Variants in TTC19 observed in about 807,000 individuals in gnomAD.
TTC19 encodes the protein tetratricopeptide repeat domain 19, also known as tetratricopeptide repeat protein 19, mitochondrial.
Under a neutral mutation model 49.5 loss-of-function variants are expected in TTC19, and 38 were observed. The observed-to-expected ratio is 0.77, with a 90% CI of 0.59 to 1.01. The LOEUF (loss-of-function observed/expected upper bound fraction) is 1.01, where lower values mean the gene tolerates loss of function less well. Among genes scored for constraint, TTC19 ranks in the 50% least tolerant of loss-of-function variants. The pLI is 0.00. For missense variants in TTC19, 475 were observed against 477.7 expected, an observed-to-expected ratio of 0.99 and a Z score of 0.05; for synonymous variants, 204 against 185.2, an observed-to-expected ratio of 1.10 and a Z score of -0.83.
intron 2 of TTC19, chr17:16,044,297 A>G (rs2058283146): frequency 2.3e-6 from 1 of 434,246 alleles, no homozygotes; most frequent in Middle Eastern, 3.5e-4. Flanking sequence ...ATTAAGAGCG[A>G]GGACAAGTTC....
At chr17:16,039,311 A>G (rs1416646553) in intron 2 of TTC19, 1 of 920,230 alleles carries the variant, frequency 1.1e-6, no homozygotes, top group African/African-American at 1.7e-5. Context: ...CGGAAACCCT[A>G]AGAGGTGACT....
chr17:16,011,954 T>G (rs1238644190), intron 7 of TTC19, among the ~76,000 whole-genome samples: 13 of 152,228 alleles, frequency 8.5e-5, no homozygotes, highest in Non-Finnish European at 1.6e-4. Context: ...TTTTATAATC[T>G]TTGTTAGCTT....
At chr17:16,037,879 C>T (rs909867493) in intron 2 of TTC19, among the ~76,000 whole-genome samples, 3 of 152,132 alleles carry the variant, frequency 2.0e-5, no homozygotes, top group African/African-American at 7.2e-5. Context: ...GAGATCAGAG[C>T]CCAGGTCATC....
chr17:16,040,642 G>A (rs2057380778), intron 2 of TTC19: 2 of 790,594 alleles, frequency 2.5e-6, no homozygotes, highest in Non-Finnish European at 4.1e-6. Context: ...AAGATAAAAT[G>A]GAAGTATTTT....
chr17:16,027,358 C>T lies in TTC19; in HGVS notation c.995-16C>T. 5 of 1,613,778 alleles carry T rather than the reference C, an allele frequency of 3.1e-6. No individual in the cohort carries two copies. Among genetic ancestry groups the T allele is most frequent in the South Asian group, 1.1e-5 (1 of 91,056 alleles). On this transcript the variant is annotated splice_polypyrimidine_tract_variant and intron_variant, in intron 9 of 9. Coordinates refer to ENST00000261647, the MANE Select transcript of TTC19 (RefSeq NM_017775.4). ...ACACTTTCTTCTTACTGTCCCTTCT[C>T]TCTGGGTTATTTTAGAACGATATAC...
At chr17:16,029,556 T>G (rs1010668679), downstream of TTC19, 9 of 209,670 alleles carry the variant, frequency 4.3e-5, no homozygotes, top group African/African-American at 7.1e-5. Context: ...AGGAAGACCT[T>G]AATTTAGTTC....
rs774529541 is a variant in TTC19 at position 16,000,162 on chromosome 17, C to G, written c.229C>G (p.Gln77Glu). Reference protein sequence around the residue: ...SRPAAAEEEEQQGADGAAAED... With the variant: ...SRPAAAEEEEEQGADGAAAED... ...GCCCGCTGCGGCAGAGGAGGAGGAG[C>G]AGCAGGGAGCCGACGGGGCCGCTGC... Residue 77 changes from glutamine (Q) to glutamate (E), a missense_variant, in exon 2 of 10, where the codon CAG (glutamine) becomes GAG (glutamate). Gln to Glu is a conservative substitution (Grantham distance 29). Coordinates refer to ENST00000261647, the MANE Select transcript of TTC19 (RefSeq NM_017775.4). 5.5e-5 allele frequency: 87 copies of G among 1,589,060 alleles called. No homozygotes were observed. Among genetic ancestry groups the G allele is most frequent in the Non-Finnish European group, 7.1e-5 (83 of 1,176,440 alleles).
downstream of TTC19, among the ~76,000 whole-genome samples, chr17:16,032,952 G>A (rs963104150): frequency 6.6e-5 from 10 of 152,216 alleles, no homozygotes; most frequent in Non-Finnish European, 4.4e-5. Context: ...AGATTTTAAA[G>A]TCTACAAGAT....
At chr17:16,007,165 A>G (rs543671423) in intron 7 of TTC19, among the ~76,000 whole-genome samples, 1 of 152,306 alleles carries the variant, frequency 6.6e-6, no homozygotes, top group East Asian at 1.9e-4. Flanking sequence ...TTCTGTACCT[A>G]GTGGTCTTCT....
chr17:16,044,729 G>GT (rs1044660047), exon 3 of TTC19: 1 of 746,088 alleles, frequency 1.3e-6, no homozygotes. Context: ...AGCAGCTGGT[G>GT]TAAATGTTGA....
intron 2 of TTC19, chr17:16,034,744 A>C (rs758354100): frequency 2.5e-6 from 4 of 1,581,520 alleles, no homozygotes; most frequent in South Asian, 2.3e-5. Context: ...CTCATTTTCT[A>C]AGTTAAAGCA....
chr17:16,022,984 C>T (rs913068453), intron 7 of TTC19, among the ~76,000 whole-genome samples: 4 of 148,332 alleles, frequency 2.7e-5, no homozygotes, highest in Non-Finnish European at 6.0e-5. Flanking sequence ...TTTTTCTTGT[C>T]TAACTTTTAG....
intron 4 of TTC19, among the ~76,000 whole-genome samples, chr17:16,003,081 G>T (rs1970790572): frequency 6.6e-6 from 1 of 152,134 alleles, no homozygotes; most frequent in Non-Finnish European, 1.5e-5. Context: ...GCCCTCCTCT[G>T]CCTAGGTGAG....
chr17:16,034,698 G>T, intron 2 of TTC19: 1 of 1,375,870 alleles, frequency 7.3e-7, no homozygotes, highest in Non-Finnish European at 1.0e-6. Context: ...GAATTTTGAA[G>T]AACTAATAAC....
chr17:16,039,395 GGAAAAGCAGCA>G, intron 2 of TTC19: 1 of 1,589,116 alleles, frequency 6.3e-7, no homozygotes, highest in Non-Finnish European at 8.6e-7. Context: ...GCTTTTTTGG[GGAAAAGCAGCA>G]GAAAAGCACT....
intron 7 of TTC19, among the ~76,000 whole-genome samples, chr17:16,021,415 C>T (rs1024553260): frequency 2.6e-5 from 4 of 152,064 alleles, no homozygotes; most frequent in African/African-American, 4.8e-5. Context: ...AAAACAAAGT[C>T]ACCGCCTCAT....
At chr17:16,004,351 G>T in intron 6 of TTC19, 89 bp downstream of exon 6, 1 of 1,271,460 alleles carries the variant, frequency 7.9e-7, no homozygotes, top group Non-Finnish European at 1.2e-6. Context: ...TGGTCATCTG[G>T]GTCTCCCAGA....
intron 7 of TTC19, among the ~76,000 whole-genome samples, chr17:16,012,373 G>A (rs539865287): frequency 6.6e-6 from 1 of 151,856 alleles, no homozygotes; most frequent in Non-Finnish European, 1.5e-5. Flanking sequence ...CCAGCTACTC[G>A]GGAGGCTGAG....
rs1383143956 is a variant in TTC19, at chr17:16,028,507, T to C, written c.*985T>C. The C allele has an allele frequency of 8.8e-6, 4 of 453,972 alleles. No homozygotes were observed. In the Admixed American group the frequency reaches 9.4e-5, roughly 11 times the overall value. The allele number at this position is 453,972 out of a possible 1,614,324, so 28.1% of individuals were successfully genotyped here. A position where few individuals can be genotyped will look rare whatever the true frequency, so the allele number is the denominator to read the frequency against. On this transcript the variant is annotated 3_prime_UTR_variant, in exon 10 of 10. Coordinates refer to ENST00000261647, the MANE Select transcript of TTC19 (RefSeq NM_017775.4). ...CTGTGGGGGAAGGTATTTGGTTAGA[T>C]GACTTTGAATGAATAGACTGCTGTG...
Sources: allele counts gnomAD v4.1 joint callset (sites outside exome capture counted in the v4.1 genomes callset), GRCh38; gene constraint gnomAD v4.1.1; transcripts MANE v1.5; gene names NCBI Gene and HGNC (gene_info 2026-07-23, HGNC 2026-07-21).